Variants in NDRG3 observed in about 807,000 individuals in gnomAD.
The protein encoded by NDRG3 is protein NDRG3.
NDRG3 carries 23 observed loss-of-function variants against 57.2 expected under a neutral mutation model. That is an observed-to-expected ratio of 0.40 (90% confidence interval 0.29 to 0.57). The LOEUF (loss-of-function observed/expected upper bound fraction) is 0.57. NDRG3 is among the 20% of genes least tolerant of loss of function. The pLI is 0.42. For synonymous variants in NDRG3, 132 were observed against 162.6 expected (o/e 0.81, Z 1.43); for missense variants, 384 against 457.3 (o/e 0.84, Z 1.46).
rs1243861180 is a variant in NDRG3 at position 36,684,466 on chromosome 20, G to A, written c.330C>T (p.Tyr110=). The part of the protein sequence containing the change: ...GAPSFPTGYQ[Y]PTMDELAEML... ...TTTCAGCCAGCTCATCCATTGTGGG[G>A]TACTGATACCTGCAATCCAGAAGGA... The change falls in exon 6 of 16, where the codon TAC becomes TAT. Residue 110 remains tyrosine, a synonymous_variant. Transcript: ENST00000349004. 6.2e-7 allele frequency: 1 copy of A among 1,613,700 alleles called. No homozygotes were observed. Among genetic ancestry groups the A allele is most frequent in the Non-Finnish European group, 8.5e-7 (1 of 1,179,628 alleles).
intron 3 of NDRG3, among the ~76,000 whole-genome samples, chr20:36,694,736 T>C (rs1201770907): frequency 6.6e-6 from 1 of 152,078 alleles, no homozygotes; most frequent in African/African-American, 2.4e-5. Flanking sequence ...CTTCATGGCT[T>C]TCAAGGCCTT....
chr20:36,678,211 CA>C (rs1227574509), intron 8 of NDRG3, among the ~76,000 whole-genome samples: 1 of 152,120 alleles, frequency 6.6e-6, no homozygotes, highest in Non-Finnish European at 1.5e-5. Flanking sequence ...TAAGAAAATG[CA>C]AACTATAGAC....
intron 1 of NDRG3, among the ~76,000 whole-genome samples, chr20:36,743,745 G>A (rs1273454118): frequency 4.0e-5 from 6 of 150,012 alleles, no homozygotes; most frequent in African/African-American, 1.2e-4. Context: ...GTGAATCTGG[G>A]AGGCGGAGCT....
At chr20:36,687,941 T>C (rs1465632981) in intron 4 of NDRG3, among the ~76,000 whole-genome samples, 4 of 152,240 alleles carry the variant, frequency 2.6e-5, no homozygotes, top group African/African-American at 9.6e-5. Context: ...ATTATTCCTC[T>C]ATCTCACAAA....
intron 1 of NDRG3, among the ~76,000 whole-genome samples, chr20:36,741,701 G>A (rs538846186): frequency 6.6e-6 from 1 of 152,252 alleles, no homozygotes; most frequent in African/African-American, 2.4e-5. Context: ...GACAGTTTCT[G>A]ACTCTAGCTG....
At chr20:36,717,288 C>T (rs1984330905) in intron 2 of NDRG3, among the ~76,000 whole-genome samples, 1 of 152,180 alleles carries the variant, frequency 6.6e-6, no homozygotes, top group Non-Finnish European at 1.5e-5. Context: ...ATTGAGAATG[C>T]CTCCTTACAA....
intron 1 of NDRG3, among the ~76,000 whole-genome samples, chr20:36,743,994 G>A (rs569720722): frequency 9.3e-5 from 12 of 128,786 alleles, no homozygotes; most frequent in East Asian, 2.6e-4. Context: ...TCCAGCTCCC[G>A]GGTTCACGCC....
intron 2 of NDRG3, among the ~76,000 whole-genome samples, chr20:36,718,496 T>G (rs1009617024): frequency 6.6e-6 from 1 of 152,136 alleles, no homozygotes; most frequent in Non-Finnish European, 1.5e-5. Flanking sequence ...CAAAATAACA[T>G]AGACTTGATG....
At chr20:36,670,776 C>A (rs1400163955) in intron 9 of NDRG3, among the ~76,000 whole-genome samples, 1 of 152,188 alleles carries the variant, frequency 6.6e-6, no homozygotes, top group African/African-American at 2.4e-5. Context: ...GACCTCACTG[C>A]TCATTTACTC....
rs1191048418 is a variant in NDRG3, at chr20:36,720,725, C to T, written c.57+954G>A. Among the ~76,000 whole-genome samples the T allele has an allele frequency of 3.9e-5, 6 of 152,020 alleles. No homozygotes were observed. The East Asian group carries it at 1.2e-3, about 29-fold the overall frequency. Reference sequence around the variant, plus strand: ...TCCTTATTGAAACTGAAAGTCAAGACACTTGGATTCTGAGTCAAACTCCAC... The same window carrying T: ...TCCTTATTGAAACTGAAAGTCAAGATACTTGGATTCTGAGTCAAACTCCAC... On this transcript the variant is annotated intron_variant, in intron 2 of 15. Coordinates refer to ENST00000349004, the MANE Select transcript of NDRG3 (RefSeq NM_032013.4).
chr20:36,693,302 G>T (rs969051501), intron 3 of NDRG3, among the ~76,000 whole-genome samples: 1 of 149,396 alleles, frequency 6.7e-6, no homozygotes, highest in African/African-American at 2.5e-5. Flanking sequence ...CATGTGCAGA[G>T]ATGTACGGGT....
At chr20:36,662,664 T>C (rs1248338423) in intron 12 of NDRG3, among the ~76,000 whole-genome samples, 1 of 152,222 alleles carries the variant, frequency 6.6e-6, no homozygotes, top group Non-Finnish European at 1.5e-5. Flanking sequence ...CTAGAATTTG[T>C]AGAGTTTCTT....
chr20:36,700,231 T>C (rs901381174), intron 3 of NDRG3, among the ~76,000 whole-genome samples: 1 of 152,122 alleles, frequency 6.6e-6, no homozygotes, highest in Non-Finnish European at 1.5e-5. Context: ...AATTTCAACT[T>C]TTTAGGGATA....
intron 1 of NDRG3, among the ~76,000 whole-genome samples, chr20:36,735,970 C>CA (rs576981000): frequency 0.041 from 2,069 of 50,090 alleles, 45 homozygotes; most frequent in East Asian, 0.1. Flanking sequence ...GGCCCTGTCT[C>CA]AAAAAAAAAA....
At chr20:36,739,125 A>AC (rs1166185860) in intron 1 of NDRG3, among the ~76,000 whole-genome samples, 15 of 106,132 alleles carry the variant, frequency 1.4e-4, no homozygotes, top group Admixed American at 1.3e-3. Flanking sequence ...ACAAAACGAG[A>AC]CCCCATCTCA....
At chr20:36,664,202 A>T (rs1238076009) in intron 12 of NDRG3, among the ~76,000 whole-genome samples, 2 of 152,186 alleles carry the variant, frequency 1.3e-5, no homozygotes, top group African/African-American at 4.8e-5. Flanking sequence ...ATAATGGAAA[A>T]ATGCTATCAG....
At chr20:36,682,923 G>A (rs930690562) in intron 6 of NDRG3, among the ~76,000 whole-genome samples, 5 of 149,182 alleles carry the variant, frequency 3.4e-5, no homozygotes, top group African/African-American at 7.4e-5. Flanking sequence ...AAAATTAGCC[G>A]GGCATGGTGG....
In NDRG3 at chr20:36,652,792, A is replaced by G. The variant is rs928708846; in HGVS notation, c.*728T>C. 1.3e-5 allele frequency: 2 copies of G among 152,244 alleles called. No individual in the cohort carries two copies. The highest frequency in any genetic ancestry group is 3.8e-4 in the East Asian group (2 of 5,202). 9.4% of individuals were successfully genotyped at this position (152,244 alleles called of 1,614,324 possible). A position where few individuals can be genotyped will look rare whatever the true frequency, so the allele number is the denominator to read the frequency against. ...CTCCTTGGAAAAAACTCTATGTTGTATCAGAACCTCAGCGATGGTTCATGG... is the reference window on the plus strand; with the variant it reads ...CTCCTTGGAAAAAACTCTATGTTGTGTCAGAACCTCAGCGATGGTTCATGG... On this transcript the variant is annotated 3_prime_UTR_variant, in exon 16 of 16. Transcript: ENST00000349004.
intron 1 of NDRG3, among the ~76,000 whole-genome samples, chr20:36,734,294 C>T (rs1055002876): frequency 3.9e-5 from 6 of 152,186 alleles, no homozygotes; most frequent in Admixed American, 3.9e-4. Context: ...GTCTTCCGAT[C>T]CCAAATGCTC....
Sources: allele counts gnomAD v4.1 joint callset (sites outside exome capture counted in the v4.1 genomes callset), GRCh38; gene constraint gnomAD v4.1.1; transcripts MANE v1.5; gene names NCBI Gene and HGNC (gene_info 2026-07-23, HGNC 2026-07-21).